ANKDD1A: variants seen among roughly 807,000 people sequenced by gnomAD.
ANKDD1A encodes the protein ankyrin repeat and death domain containing 1A.
A neutral mutation model predicts 63.5 loss-of-function variants in ANKDD1A; 59 were observed. The ratio of observed to expected loss-of-function variants is 0.93; its 90% CI spans 0.75 to 1.15. The LOEUF (loss-of-function observed/expected upper bound fraction) is 1.15. Ranked by LOEUF, ANKDD1A falls within the 50% of genes most tolerant of loss-of-function variation. The pLI is 0.00. For missense variants in ANKDD1A, 632 were observed against 656.4 expected, an observed-to-expected ratio of 0.96 and a Z score of 0.41; for synonymous variants, 266 against 263.9, an observed-to-expected ratio of 1.01 and a Z score of -0.08.
At chr15:64,931,054 G>A (rs1595850511) in intron 7 of ANKDD1A, 134 bp downstream of exon 7, 2 of 882,876 alleles carry the variant, frequency 2.3e-6, no homozygotes, top group East Asian at 2.7e-5. Flanking sequence ...AGCCCACCAG[G>A]GAAAGACAAG....
chr15:64,931,459 T>C (rs2085090358), intron 7 of ANKDD1A, 28 bp from the exon 8 acceptor site: 2 of 1,604,238 alleles, frequency 1.2e-6, no homozygotes, highest in Non-Finnish European at 1.7e-6. Flanking sequence ...CTCCCCACCA[T>C]CCTCATTGCT....
intron 2 of ANKDD1A, 102 bp from the exon 3 acceptor site, chr15:64,917,284 C>T: frequency 1.4e-6 from 2 of 1,409,520 alleles, no homozygotes; most frequent in Non-Finnish European, 1.9e-6. Context: ...CAGCAAAGAC[C>T]CTTCCAGCCT....
At chr15:64,941,188 A>G (rs1368072325) in intron 9 of ANKDD1A, among the ~76,000 whole-genome samples, 3 of 152,146 alleles carry the variant, frequency 2.0e-5, no homozygotes, top group African/African-American at 7.2e-5. Context: ...CTTTTTTAAA[A>G]TTATGTGTCA....
chr15:64,932,557 G>C (rs1467917960), intron 8 of ANKDD1A: 1 of 152,036 alleles, frequency 6.6e-6, no homozygotes, highest in Non-Finnish European at 1.5e-5. Context: ...TGGTGTTTTG[G>C]GTTTGCTTTT....
chr15:64,952,020 CTTCTTT>C lies in ANKDD1A; in HGVS notation c.1483+2054_1483+2059del, dbSNP rs565271504. ...TTTTCTTTCTTCTTCCATCTTCTATCTTCTTTTTCTTCTTCTTTCCTCTTCTTTCTT... is the reference window on the plus strand; with the variant it reads ...TTTTCTTTCTTCTTCCATCTTCTATCTTCTTCTTCTTTCCTCTTCTTTCTT... On this transcript the variant is annotated intron_variant, in intron 14 of 14. Transcript: ENST00000319580. 1.5e-3 allele frequency among the ~76,000 whole-genome samples: 221 copies of C among 145,990 alleles called. 1 individual carries two copies. The highest frequency in any genetic ancestry group is 4.3e-3 in the Admixed American group (62 of 14,520).
intron 9 of ANKDD1A, among the ~76,000 whole-genome samples, chr15:64,934,484 CT>C (rs534887335): frequency 0.017 from 2,441 of 139,634 alleles, 36 homozygotes; most frequent in South Asian, 0.027. Flanking sequence ...TGCATTGGGG[CT>C]TTTTTTTTTC....
At chr15:64,953,561 TCCTC>T (rs531742486) in intron 14 of ANKDD1A, among the ~76,000 whole-genome samples, 2 of 137,020 alleles carry the variant, frequency 1.5e-5, no homozygotes, top group African/African-American at 5.6e-5. Context: ...CCTTCTTTCT[TCCTC>T]CTTCTTCTTA....
chr15:64,957,915 A>G lies in ANKDD1A; in HGVS notation c.*727A>G, dbSNP rs2085433726. 1 of 152,252 alleles carries G rather than the reference A, an allele frequency of 6.6e-6. No homozygotes were observed. Among genetic ancestry groups the G allele is most frequent in the South Asian group, 2.1e-4 (1 of 4,832 alleles). The allele number at this position is 152,252 out of a possible 1,614,324, so 9.4% of individuals were successfully genotyped here. A position where few individuals can be genotyped will look rare whatever the true frequency, so the allele number is the denominator to read the frequency against. ...GAAATTAGAAAACATATTTGCATAA[A>G]TAAAAGCTAGACAAAGGCTAAGAAA... On this transcript the variant is annotated 3_prime_UTR_variant, in exon 15 of 15. Coordinates refer to ENST00000319580, the MANE Select transcript of ANKDD1A (RefSeq NM_182703.6).
intron 14 of ANKDD1A, among the ~76,000 whole-genome samples, chr15:64,953,707 T>A (rs1224543248): frequency 8.6e-5 from 2 of 23,280 alleles, no homozygotes; most frequent in African/African-American, 1.4e-4. Context: ...TCTTTCTTCT[T>A]CTCCTTGTTC....
At chr15:64,951,588 T>TTC (rs1555397414) in intron 14 of ANKDD1A, among the ~76,000 whole-genome samples, 49 of 107,292 alleles carry the variant, frequency 4.6e-4, no homozygotes, top group Non-Finnish European at 6.5e-4. Flanking sequence ...TCTTCTTCCT[T>TTC]TTCTTTCTTC....
intron 6 of ANKDD1A, among the ~76,000 whole-genome samples, chr15:64,929,082 C>A (rs1454990286): frequency 6.6e-6 from 1 of 152,244 alleles, no homozygotes; most frequent in African/African-American, 2.4e-5. Context: ...AGCCAGCCTG[C>A]AGGCTATAGG....
At chr15:64,952,579 TC>T (rs2085313008) in intron 14 of ANKDD1A, among the ~76,000 whole-genome samples, 21 of 33,194 alleles carry the variant, frequency 6.3e-4, no homozygotes, top group East Asian at 1.6e-3. Context: ...TTCTTCTCCT[TC>T]TTTTCTTCTT....
chr15:64,950,133 C>G lies in ANKDD1A; in HGVS notation c.1483+161C>G, dbSNP rs146330761. On this transcript the variant is annotated intron_variant, in intron 14 of 14. Transcript: ENST00000319580. ...CCTGCCCTCTTTTCCCTTGGGCAAA[C>G]TACAGTGCCTCCTGGCCCTGGTTTC... 1,457 of 985,416 alleles carry G rather than the reference C, an allele frequency of 1.5e-3. 12 individuals carry two copies. The African/African-American group carries it at 0.022, about 15-fold the overall frequency. 61.0% of individuals were successfully genotyped at this position (985,416 alleles called of 1,614,324 possible). A position where few individuals can be genotyped will look rare whatever the true frequency, so the allele number is the denominator to read the frequency against.
chr15:64,953,896 T>C (rs1397236437), intron 14 of ANKDD1A, among the ~76,000 whole-genome samples: 1 of 32,736 alleles, frequency 3.1e-5, no homozygotes, highest in African/African-American at 5.9e-5. Flanking sequence ...CTTCCTCTTT[T>C]CTTTCTTCCC....
chr15:64,952,959 CTCT>C (rs386784815), intron 14 of ANKDD1A, among the ~76,000 whole-genome samples: 23 of 121,554 alleles, frequency 1.9e-4, no homozygotes, highest in African/African-American at 5.9e-4. Context: ...CTCTTTCTTC[CTCT>C]TCTTCTTTTC....
chr15:64,952,207 CTCT>C (rs1221770811), intron 14 of ANKDD1A, among the ~76,000 whole-genome samples: 1 of 141,322 alleles, frequency 7.1e-6, no homozygotes, highest in Non-Finnish European at 1.5e-5. Flanking sequence ...TTCTTCTTTC[CTCT>C]TTCTTCTTCT....
intron 7 of ANKDD1A, 36 bp from the exon 8 acceptor site, chr15:64,931,451 C>A: frequency 6.3e-7 from 1 of 1,588,310 alleles, no homozygotes; most frequent in East Asian, 2.3e-5. Context: ...GGGTGGGCCT[C>A]CCCACCATCC....
intron 9 of ANKDD1A, among the ~76,000 whole-genome samples, chr15:64,937,764 G>A (rs1351973240): frequency 6.6e-6 from 1 of 151,984 alleles, no homozygotes; most frequent in Non-Finnish European, 1.5e-5. Context: ...AAATAAGAAT[G>A]AGGACAGTTT....
Position 64,935,442 on chromosome 15 carries a change from G to A in ANKDD1A, c.867+1208G>A, listed in dbSNP as rs550575212. Among the ~76,000 whole-genome samples, 22 of 152,146 alleles carry A rather than the reference G, an allele frequency of 1.4e-4. 2 individuals carry two copies. The highest frequency in any genetic ancestry group is 3.4e-3 in the Middle Eastern group (1 of 292). On this transcript the variant is annotated intron_variant, in intron 9 of 14. Coordinates refer to ENST00000319580, the MANE Select transcript of ANKDD1A (RefSeq NM_182703.6). ...TGGAATCCCAGCACTTTGGGAGGCC[G>A]AGGCGGGCGGATCACGAGGTCAGGA...
Sources: allele counts gnomAD v4.1 joint callset (sites outside exome capture counted in the v4.1 genomes callset), GRCh38; gene constraint gnomAD v4.1.1; transcripts MANE v1.5; gene names NCBI Gene and HGNC (gene_info 2026-07-23, HGNC 2026-07-21).